Variants in TRIO observed in about 807,000 individuals in gnomAD.
TRIO encodes triple functional domain protein.
A neutral mutation model predicts 351.9 loss-of-function variants in TRIO; 58 were observed. That is an observed-to-expected ratio of 0.16 (90% confidence interval 0.13 to 0.21). TRIO has a LOEUF of 0.21. TRIO is among the 10% of genes least tolerant of loss of function. The probability of loss-of-function intolerance (pLI) is 1.00; values close to 1 mark genes in which losing one functional copy is unlikely to be tolerated. For missense variants in TRIO, 3,201 were observed against 4,027.8 expected (o/e 0.79, Z 5.56); for synonymous variants, 1,758 against 1,595.7 (o/e 1.10, Z -2.42).
At chr5:14,160,920 A>AT (rs1002898108) in intron 1 of TRIO, among the ~76,000 whole-genome samples, 6 of 151,692 alleles carry the variant, frequency 4.0e-5, no homozygotes, top group Non-Finnish European at 8.8e-5. Context: ...TACATTTATT[A>AT]TTTTTTTTGA....
chr5:14,296,291 C>T (rs946252451), intron 6 of TRIO, among the ~76,000 whole-genome samples: 9 of 152,170 alleles, frequency 5.9e-5, no homozygotes, highest in African/African-American at 2.2e-4. Flanking sequence ...ACAGCAACTT[C>T]GGATTTGCTG....
At chr5:14,206,152 C>T (rs1724415294) in intron 1 of TRIO, among the ~76,000 whole-genome samples, 1 of 152,208 alleles carries the variant, frequency 6.6e-6, no homozygotes, top group South Asian at 2.1e-4. Context: ...ACCTCTTCCT[C>T]CCGGCACAAG....
chr5:14,508,630 A>G lies in TRIO; in HGVS notation c.*208A>G. On this transcript the variant is annotated 3_prime_UTR_variant, in exon 57 of 57. Coordinates refer to ENST00000344204, the MANE Select transcript of TRIO (RefSeq NM_007118.4). ...AGGACCGTCACTTACACTCTGCCCA[A>G]GGCAGAGGTCGCATTGCTGTATCAC... The G allele has an allele frequency of 1.8e-6, 1 of 564,738 alleles. No individual in the cohort carries two copies. The highest frequency in any genetic ancestry group is 3.0e-6 in the Non-Finnish European group (1 of 330,186). 35.0% of individuals were successfully genotyped at this position (564,738 alleles called of 1,614,324 possible).
chr5:14,213,338 TAATACATA>T lies in TRIO; in HGVS notation c.158-57482_158-57475del, dbSNP rs1792028619. 4.7e-5 allele frequency among the ~76,000 whole-genome samples: 7 copies of T among 149,180 alleles called. No individual in the cohort carries two copies. The South Asian group carries it at 1.5e-3, about 31-fold the overall frequency. On this transcript the variant is annotated intron_variant, in intron 1 of 56. Transcript: ENST00000344204. The stretch of plus-strand genomic sequence containing the variant: ...ATATATAAATGACACTATACTATAT[TAATACATA>T]AATATATAAAATTATTTATAATATA...
chr5:14,326,669 G>A (rs1330484180), intron 9 of TRIO, among the ~76,000 whole-genome samples: 2 of 152,220 alleles, frequency 1.3e-5, no homozygotes, highest in Non-Finnish European at 1.5e-5. Context: ...AGGACACAGA[G>A]CAAATAGATA....
At chr5:14,149,691 G>A (rs1034158510) in intron 1 of TRIO, among the ~76,000 whole-genome samples, 4 of 152,172 alleles carry the variant, frequency 2.6e-5, no homozygotes, top group Non-Finnish European at 5.9e-5. Flanking sequence ...TAGATTACTG[G>A]CTCTTTTCAT....
intron 1 of TRIO, among the ~76,000 whole-genome samples, chr5:14,251,969 T>TA (rs1554041668): frequency 0.48 from 66,287 of 137,190 alleles, 16,069 homozygotes; most frequent in East Asian, 0.58. Context: ...AGAGGCAACT[T>TA]AAAAAAAAAA....
intron 8 of TRIO, among the ~76,000 whole-genome samples, chr5:14,304,994 A>C (rs1561316076): frequency 6.6e-6 from 1 of 152,262 alleles, no homozygotes; most frequent in African/African-American, 2.4e-5. Context: ...TATTTTAGAA[A>C]TCTAAGTGTA....
intron 8 of TRIO, among the ~76,000 whole-genome samples, chr5:14,313,937 G>T (rs1739151088): frequency 6.6e-6 from 1 of 151,876 alleles, no homozygotes; most frequent in South Asian, 2.1e-4. Context: ...TGCTGTTTCT[G>T]ACTGTAGGGG....
Position 14,379,139 on chromosome 5 carries a change from G to A in TRIO, c.3447+1012G>A, listed in dbSNP as rs113479137. Among the ~76,000 whole-genome samples, 472 of 152,268 alleles carry A rather than the reference G, an allele frequency of 3.1e-3. 3 individuals are homozygous for A. The highest frequency in any genetic ancestry group is 7.2e-3 in the African/African-American group (299 of 41,546). On this transcript the variant is annotated intron_variant, in intron 20 of 56. Coordinates refer to ENST00000344204, the MANE Select transcript of TRIO (RefSeq NM_007118.4). ...CAGGGGAGAAGGTGATTCCCCCAGC[G>A]TCTGTGTGTGGCCCAGCCCTGGTCT...
chr5:14,476,573 C>T (rs1417898572), intron 40 of TRIO, among the ~76,000 whole-genome samples: 1 of 152,142 alleles, frequency 6.6e-6, no homozygotes, highest in Non-Finnish European at 1.5e-5. Context: ...AGGCGGATCA[C>T]TTGAGGTCAG....
chr5:14,488,423 C>G (rs1241962519), intron 48 of TRIO, 163 bp downstream of exon 48: 1 of 1,049,670 alleles, frequency 9.5e-7, no homozygotes, highest in African/African-American at 1.6e-5. Flanking sequence ...GGCCGGCCCA[C>G]GGCGCTACTA....
chr5:14,370,662 T>A (rs953159728), intron 18 of TRIO, among the ~76,000 whole-genome samples: 6 of 152,274 alleles, frequency 3.9e-5, no homozygotes, highest in Admixed American at 3.9e-4. Context: ...CCCACCACAG[T>A]GATTTTCTTT....
intron 48 of TRIO, among the ~76,000 whole-genome samples, chr5:14,489,942 T>C (rs1233029456): frequency 6.6e-6 from 1 of 152,162 alleles, no homozygotes; most frequent in African/African-American, 2.4e-5. Flanking sequence ...AGAAATGCCC[T>C]AAAGGCCTAG....
chr5:14,498,495 A>T, intron 52 of TRIO, 24 bp from the exon 53 acceptor site: 1 of 1,608,064 alleles, frequency 6.2e-7, no homozygotes, highest in Non-Finnish European at 8.5e-7. Context: ...TCTGATGCGC[A>T]GTGTGTTCCC....
At chr5:14,192,850 T>C (rs575163703) in intron 1 of TRIO, among the ~76,000 whole-genome samples, 1 of 152,366 alleles carries the variant, frequency 6.6e-6, no homozygotes, top group South Asian at 2.1e-4. Flanking sequence ...CTGTTAATTT[T>C]TATGATGATT....
At chr5:14,155,407 T>C (rs1230580870) in intron 1 of TRIO, among the ~76,000 whole-genome samples, 26 of 152,232 alleles carry the variant, frequency 1.7e-4, no homozygotes, top group Non-Finnish European at 3.1e-4. Context: ...TGATATGATA[T>C]CATGATCTAA....
rs760216530 is a variant in TRIO, at chr5:14,159,574, CT to C, written c.157+15705del. The stretch of plus-strand genomic sequence containing the variant: ...CTAGTGTGAGCTTTATATTTTTTTT[CT>C]TTTTTTTTTTTTGAGATGGAGTCTT... On this transcript the variant is annotated intron_variant, in intron 1 of 56. Transcript: ENST00000344204. Among the ~76,000 whole-genome samples the C allele has an allele frequency of 7.6e-3, 1,092 of 143,244 alleles. 5 individuals carry two copies. The highest frequency in any genetic ancestry group is 0.022 in the African/African-American group (857 of 39,492). 94.0% of individuals were successfully genotyped at this position (143,244 alleles called of 152,430 possible). A position where few individuals can be genotyped will look rare whatever the true frequency, so the allele number is the denominator to read the frequency against.
chr5:14,312,064 G>T (rs3893122), intron 8 of TRIO, among the ~76,000 whole-genome samples: 1 of 152,160 alleles, frequency 6.6e-6, no homozygotes, highest in East Asian at 1.9e-4. Context: ...TTAGGTCAGA[G>T]CCACGTTCAT....
Sources: gnomAD v4.1 joint callset for allele counts (sites outside exome capture counted in the v4.1 genomes callset) on GRCh38, gnomAD v4.1.1 for gene constraint, MANE v1.5 for transcripts, NCBI Gene and HGNC (gene_info 2026-07-23, HGNC 2026-07-21) for gene names.